DAGLB: variants seen among roughly 807,000 people sequenced by gnomAD.
DAGLB encodes diacylglycerol lipase-beta.
A neutral mutation model predicts 72.1 loss-of-function variants in DAGLB; 66 were observed. The observed-to-expected ratio is 0.92, with a 90% CI of 0.75 to 1.12. DAGLB has a LOEUF of 1.12. Ranked by LOEUF, DAGLB falls within the 50% of genes most tolerant of loss-of-function variation. The pLI is 0.00. For missense variants in DAGLB, 1,065 were observed against 884.9 expected (o/e 1.20, Z -2.58); for synonymous variants, 414 against 359.5 (o/e 1.15, Z -1.71).
At chr7:6,443,185 T>C (rs1049696387) in intron 2 of DAGLB, among the ~76,000 whole-genome samples, 2 of 117,432 alleles carry the variant, frequency 1.7e-5, no homozygotes, top group Non-Finnish European at 3.2e-5. Flanking sequence ...CGAGACTCCA[T>C]CCGGAAAAAA....
chr7:6,430,600 T>A lies in DAGLB; in HGVS notation c.809A>T (p.Asp270Val). Residue 270 changes from aspartate (D) to valine (V), a missense_variant, in exon 6 of 15, where the codon GAT becomes GTT. Coordinates refer to ENST00000297056, the MANE Select transcript of DAGLB (RefSeq NM_139179.4). ...CHAPGSSQEA[D>V]LDAELENCHH... ...GCAGTTTTCTAATTCTGCATCCAGA[T>A]CAGCTTCCTACAAGAGAAGGACAAA... 1.9e-6 allele frequency: 3 copies of A among 1,594,104 alleles called. No homozygotes were observed. Among genetic ancestry groups the A allele is most frequent in the Non-Finnish European group, 2.6e-6 (3 of 1,167,174 alleles).
intron 6 of DAGLB, 135 bp downstream of exon 6, chr7:6,430,345 G>A: frequency 2.7e-6 from 3 of 1,123,354 alleles, no homozygotes; most frequent in Non-Finnish European, 3.4e-6. Context: ...GACCAGATGA[G>A]TCACAGCTGG....
At chr7:6,413,765 C>T (rs542029237) in intron 11 of DAGLB, among the ~76,000 whole-genome samples, 52 of 152,336 alleles carry the variant, frequency 3.4e-4, no homozygotes, top group African/African-American at 1.2e-3. Context: ...CTTCAGCTCC[C>T]AACAACGAGT....
At chr7:6,432,722 G>C (rs1784527019) in intron 5 of DAGLB, 115 bp downstream of exon 5, 1 of 1,314,772 alleles carries the variant, frequency 7.6e-7, no homozygotes, top group South Asian at 1.8e-5. Context: ...GGGAGGGAGG[G>C]GAAAGGGGAA....
chr7:6,416,656 G>A lies in DAGLB; in HGVS notation c.1398C>T (p.Tyr466=), dbSNP rs189505147. 4.1e-5 allele frequency: 66 copies of A among 1,613,272 alleles called. No homozygotes were observed. The highest frequency in any genetic ancestry group is 2.5e-4 in the African/African-American group (19 of 75,048). The change falls in exon 11 of 15, where the codon TAC becomes TAT. Residue 466 remains tyrosine, a synonymous_variant. Transcript: ENST00000297056. ...LRAAYPQVRC[Y]AFSPPRGLWS... The stretch of plus-strand genomic sequence containing the variant: ...ACAGCCCCCGGGGTGGGGAGAAGGC[G>A]TAGCACCTGACCTGCGGGTAGGCGG...
intron 7 of DAGLB, among the ~76,000 whole-genome samples, chr7:6,425,617 G>A (rs1322193670): frequency 6.6e-6 from 1 of 152,108 alleles, no homozygotes; most frequent in Non-Finnish European, 1.5e-5. Context: ...GACCCCCCCA[G>A]AGTGCCAGAC....
chr7:6,434,656 G>C, intron 4 of DAGLB, 106 bp downstream of exon 4: 2 of 1,548,766 alleles, frequency 1.3e-6, no homozygotes, highest in Non-Finnish European at 8.8e-7. Context: ...CACACCCAAA[G>C]ACACCAGGTT....
chr7:6,430,281 A>G (rs1339548473), intron 6 of DAGLB, among the ~76,000 whole-genome samples, 199 bp downstream of exon 6: 2 of 112,036 alleles, frequency 1.8e-5, no homozygotes, highest in African/African-American at 6.5e-5. Context: ...ATATATATAT[A>G]TGCAGGGGGG....
chr7:6,417,106 G>A, intron 9 of DAGLB, 185 bp from the exon 10 acceptor site: 2 of 647,180 alleles, frequency 3.1e-6, no homozygotes, highest in South Asian at 3.8e-5. Context: ...CGCCTGACGT[G>A]AAGCAGGTGC....
At chr7:6,423,640 T>A (rs1784208160) in intron 8 of DAGLB, among the ~76,000 whole-genome samples, 1 of 147,650 alleles carries the variant, frequency 6.8e-6, no homozygotes. Context: ...CAGGCTGGAG[T>A]GCAGTGGTGC....
In DAGLB at chr7:6,417,134, G is replaced by A. The variant is rs544409674; in HGVS notation, c.1219-213C>T. ...GCAGGTGCCAGGTGTGGTGGCGCAC[G>A]CTTGTAATCCCAGCACTTAGGGAGG... On this transcript the variant is annotated intron_variant, in intron 9 of 14. Transcript: ENST00000297056. 9.1e-4 allele frequency: 511 copies of A among 559,980 alleles called. 3 individuals carry two copies. In the South Asian group the frequency reaches 0.01, roughly 11 times the overall value. The allele number at this position is 559,980 out of a possible 1,614,324, so 34.7% of individuals were successfully genotyped here.
chr7:6,431,859 C>T (rs1784497138), intron 5 of DAGLB, among the ~76,000 whole-genome samples: 1 of 152,170 alleles, frequency 6.6e-6, no homozygotes, highest in South Asian at 2.1e-4. Flanking sequence ...AACGAAGATG[C>T]CTCACCTGAC....
intron 1 of DAGLB, among the ~76,000 whole-genome samples, chr7:6,446,464 T>A (rs1233947581): frequency 2.1e-5 from 2 of 97,404 alleles, no homozygotes; most frequent in African/African-American, 8.1e-5. Context: ...GGCAACGATA[T>A]GAGACTCCGT....
At position 6,446,044 on chromosome 7, in the gene DAGLB, T is replaced by C. The variant is rs1784989144; in HGVS notation, c.156A>G (p.Gly52=). 6.2e-7 allele frequency: 1 copy of C among 1,612,400 alleles called. No individual in the cohort carries two copies. The highest frequency in any genetic ancestry group is 1.3e-5 in the African/African-American group (1 of 74,412). Residue 52 remains glycine, a synonymous_variant, in exon 2 of 15, where the codon GGA becomes GGG. Coordinates refer to ENST00000297056, the MANE Select transcript of DAGLB (RefSeq NM_139179.4). ...CGATCAAGTAACTGCTGAGCAAGGCTCCACCAGCACAGTCCAGCTTTCCTC... is the reference window on the plus strand; with the variant it reads ...CGATCAAGTAACTGCTGAGCAAGGCCCCACCAGCACAGTCCAGCTTTCCTC... ...MHRGKLDCAG[G]ALLSSYLIVL...
At chr7:6,411,043 C>A (rs1783711285) in intron 13 of DAGLB, among the ~76,000 whole-genome samples, 1 of 152,046 alleles carries the variant, frequency 6.6e-6, no homozygotes, top group African/African-American at 2.4e-5. Flanking sequence ...CGCCACCGCA[C>A]CCGGCTAATT....
At chr7:6,440,516 G>GC (rs1784795719) in intron 2 of DAGLB, among the ~76,000 whole-genome samples, 1 of 152,182 alleles carries the variant, frequency 6.6e-6, no homozygotes. Flanking sequence ...TCAGAGAGGA[G>GC]TATCAGCCAA....
At chr7:6,447,625 G>T in intron 1 of DAGLB, 123 bp downstream of exon 1, 1 of 1,332,122 alleles carries the variant, frequency 7.5e-7, no homozygotes. Flanking sequence ...ATAAGAGGAT[G>T]CGTGGCCAGC....
intron 6 of DAGLB, among the ~76,000 whole-genome samples, chr7:6,429,056 G>C (rs1302027808): frequency 6.6e-6 from 1 of 151,974 alleles, no homozygotes; most frequent in Non-Finnish European, 1.5e-5. Flanking sequence ...CGCTGGCCTC[G>C]ACCTCCCAAA....
intron 2 of DAGLB, among the ~76,000 whole-genome samples, chr7:6,443,282 CT>C (rs1784896056): frequency 1.7e-5 from 2 of 118,304 alleles, no homozygotes; most frequent in African/African-American, 6.1e-5. Context: ...AAGAAACTGT[CT>C]CTACTAAAAA....
Sources: gnomAD v4.1 joint callset for allele counts (sites outside exome capture counted in the v4.1 genomes callset) on GRCh38, gnomAD v4.1.1 for gene constraint, MANE v1.5 for transcripts, NCBI Gene and HGNC (gene_info 2026-07-23, HGNC 2026-07-21) for gene names.